PARP1: variants seen among roughly 807,000 people sequenced by gnomAD.
PARP1 encodes the protein poly(ADP-ribose) polymerase 1, also known as poly [ADP-ribose] polymerase 1.
In PARP1, 44 loss-of-function variants were observed where a neutral mutation model predicts 118.7. The observed-to-expected ratio is 0.37, with a 90% CI of 0.29 to 0.48. PARP1 has a LOEUF of 0.48. PARP1 is among the 20% of genes least tolerant of loss of function. PARP1 has a pLI of 0.99. For missense variants in PARP1, 1,100 were observed against 1,272.4 expected, an observed-to-expected ratio of 0.86 and a Z score of 2.06; for synonymous variants, 492 against 483.2, an observed-to-expected ratio of 1.02 and a Z score of -0.24.
intron 6 of PARP1, 55 bp from the exon 7 acceptor site, chr1:226,385,735 CACTTACT>C (rs1466251571): frequency 1.1e-5 from 16 of 1,490,946 alleles, no homozygotes; most frequent in Non-Finnish European, 1.3e-5. Context: ...CAAAAAAGGA[CACTTACT>C]AATGTGGGAT....
intron 8 of PARP1, among the ~76,000 whole-genome samples, chr1:226,382,568 C>T (rs920622232): frequency 6.6e-6 from 1 of 152,182 alleles, no homozygotes; most frequent in Non-Finnish European, 1.5e-5. Flanking sequence ...ACTCCATCGC[C>T]CAAGCTGGTG....
chr1:226,401,522 G>A (rs1665036878), intron 2 of PARP1, among the ~76,000 whole-genome samples: 2 of 152,232 alleles, frequency 1.3e-5, no homozygotes, highest in Non-Finnish European at 2.9e-5. Flanking sequence ...TAACTTCCGG[G>A]TATTGCCATG....
In PARP1 at chr1:226,374,294, G is replaced by C. The variant is rs765830412; in HGVS notation, c.2002C>G (p.Pro668Ala). The change falls in exon 14 of 23, where the codon CCA (proline) becomes GCA (alanine). Residue 668 changes from proline to alanine, a missense_variant. Pro to Ala is a conservative substitution (Grantham distance 27). This residue lies in a region of PARP1 where 948 missense variants were observed against 1,031.8 expected (regional missense o/e 0.92). Coordinates refer to ENST00000366794, the MANE Select transcript of PARP1 (RefSeq NM_001618.4). ...NPGTKSKLPK[P>A]VQDLIKMIFD... is the part of the protein sequence containing the mutation. Reference sequence around the variant, plus strand: ...ATCATCTTGATGAGGTCCTGAACTGGCTTGGGGAGCTTGGACTTGGTGCCA... The same window carrying C: ...ATCATCTTGATGAGGTCCTGAACTGCCTTGGGGAGCTTGGACTTGGTGCCA... 1 of 1,614,088 alleles carries C rather than the reference G, an allele frequency of 6.2e-7. No homozygotes were observed. The highest frequency in any genetic ancestry group is 1.1e-5 in the South Asian group (1 of 91,084).
chr1:226,373,805 A>G (rs999214198), intron 14 of PARP1, among the ~76,000 whole-genome samples: 2 of 152,188 alleles, frequency 1.3e-5, no homozygotes, highest in African/African-American at 4.8e-5. Context: ...ACCTTGCCAC[A>G]GCATGAAGAA....
chr1:226,374,316 G>A lies in PARP1; in HGVS notation c.1980C>T (p.Gly660=). ...EAVKKLTVNP[G]TKSKLPKPVQ... Reference sequence around the variant, plus strand: ...CTGGCTTGGGGAGCTTGGACTTGGTGCCAGGATTTACTGTCAGCTTCTTCA... The same window carrying A: ...CTGGCTTGGGGAGCTTGGACTTGGTACCAGGATTTACTGTCAGCTTCTTCA... Residue 660 remains glycine, a synonymous_variant, in exon 14 of 23, where the codon GGC becomes GGT. Transcript: ENST00000366794. The A allele has an allele frequency of 6.2e-7, 1 of 1,614,134 alleles. No homozygotes were observed. Among genetic ancestry groups the A allele is most frequent in the South Asian group, 1.1e-5 (1 of 91,084 alleles).
intron 2 of PARP1, among the ~76,000 whole-genome samples, chr1:226,399,197 C>T (rs866363915): frequency 5.3e-5 from 8 of 151,710 alleles, no homozygotes; most frequent in African/African-American, 1.7e-4. Context: ...CTCGGCCTCC[C>T]GAGTAGCTGG....
At position 226,402,237 on chromosome 1, in the gene PARP1, GTCT is replaced by G; in HGVS notation, c.260_262del (p.Lys87del). ...ACCTGTCACTCCTCCAGCTTCCGCTGTCTTCTTGACTTTCTGCTGGTCATCCCA... is the reference window on the plus strand; with the variant it reads ...ACCTGTCACTCCTCCAGCTTCCGCTGTCTTGACTTTCTGCTGGTCATCCCA... On this transcript the variant is annotated inframe_deletion, in exon 2 of 23. Transcript: ENST00000366794. The G allele has an allele frequency of 2.5e-6, 4 of 1,614,210 alleles. No homozygotes were observed. Among genetic ancestry groups the G allele is most frequent in the South Asian group, 1.1e-5 (1 of 91,082 alleles).
intron 16 of PARP1, 43 bp downstream of exon 16, chr1:226,368,156 C>T (rs1207069338): frequency 1.9e-6 from 3 of 1,613,252 alleles, no homozygotes; most frequent in South Asian, 1.1e-5. Flanking sequence ...TAGTCACACC[C>T]CAGCCCAGCA....
intron 7 of PARP1, among the ~76,000 whole-genome samples, chr1:226,383,632 C>T (rs1371375154): frequency 1.3e-5 from 2 of 152,118 alleles, no homozygotes; most frequent in Admixed American, 1.3e-4. Flanking sequence ...AGATTATTAC[C>T]CAAAAGGAAA....
At position 226,366,203 on chromosome 1, in the gene PARP1, T is replaced by A. The variant is rs539812549; in HGVS notation, c.2407-151A>T. On this transcript the variant is annotated intron_variant, in intron 17 of 22. Transcript: ENST00000366794. Reference sequence around the variant, plus strand: ...GAGCCTGTGTCCCAGGCCTGTGGGCTGGGCAGATCCTGGGCCAGTGGCTCC... The same window carrying A: ...GAGCCTGTGTCCCAGGCCTGTGGGCAGGGCAGATCCTGGGCCAGTGGCTCC... The A allele has an allele frequency of 1.2e-4, 78 of 675,128 alleles. No individual in the cohort carries two copies. In the African/African-American group the frequency reaches 1.3e-3, roughly 12 times the overall value. 41.8% of individuals were successfully genotyped at this position (675,128 alleles called of 1,614,324 possible). A position where few individuals can be genotyped will look rare whatever the true frequency, so the allele number is the denominator to read the frequency against.
At chr1:226,366,175 CGA>C (rs1218981156) in intron 17 of PARP1, 123 bp from the exon 18 acceptor site, 1 of 726,774 alleles carries the variant, frequency 1.4e-6, no homozygotes, top group Admixed American at 2.0e-5. Flanking sequence ...CGGGCATGAC[CGA>C]GAGCCTGTGT....
intron 2 of PARP1, among the ~76,000 whole-genome samples, chr1:226,399,726 G>C (rs1400982525): frequency 1.3e-5 from 2 of 152,180 alleles, no homozygotes; most frequent in Non-Finnish European, 2.9e-5. Flanking sequence ...GGACCACTCC[G>C]ATAACGATGT....
Position 226,380,183 on chromosome 1 carries a change from A to G in PARP1, c.1301-19T>C. The G allele has an allele frequency of 6.2e-7, 1 of 1,613,154 alleles. No individual in the cohort carries two copies. Among genetic ancestry groups the G allele is most frequent in the Non-Finnish European group, 8.5e-7 (1 of 1,179,332 alleles). ...ACCTCCTCTGTTCAAATTGAAAGGA[A>G]AAAAAACCAAAATACAAGTTTAAAA... is the stretch of plus-strand genomic sequence containing the variant. On this transcript the variant is annotated intron_variant, in intron 9 of 22. Coordinates refer to ENST00000366794, the MANE Select transcript of PARP1 (RefSeq NM_001618.4).
chr1:226,397,052 G>A (rs1664937098), intron 2 of PARP1, among the ~76,000 whole-genome samples: 1 of 151,790 alleles, frequency 6.6e-6, no homozygotes, highest in South Asian at 2.1e-4. Context: ...TGTGCTTTGG[G>A]AGGCAGAGGT....
intron 19 of PARP1, chr1:226,364,456 G>A (rs1038042722): frequency 7.4e-5 from 25 of 338,604 alleles, no homozygotes; most frequent in African/African-American, 5.1e-4. Context: ...TGAAACACGA[G>A]GTTCACAAAG....
chr1:226,404,383 G>A (rs1446498448), intron 1 of PARP1, among the ~76,000 whole-genome samples: 24 of 152,192 alleles, frequency 1.6e-4, no homozygotes, highest in Admixed American at 1.6e-3. Flanking sequence ...ATTTGCAATG[G>A]CCTCGACCTG....
At chr1:226,365,326 G>C (rs1272440853) in intron 18 of PARP1, among the ~76,000 whole-genome samples, 172 bp from the exon 19 acceptor site, 1 of 152,240 alleles carries the variant, frequency 6.6e-6, no homozygotes, top group Non-Finnish European at 1.5e-5. Context: ...GGAAGGTCCA[G>C]GTCCTGCCCA....
Position 226,366,413 on chromosome 1 carries a change from TA to T in PARP1, c.2407-362del, listed in dbSNP as rs1273071980. 2.2e-5 allele frequency: 7 copies of T among 325,156 alleles called. No homozygotes were observed. In the Admixed American group the frequency reaches 3.0e-4, roughly 14 times the overall value. The allele number at this position is 325,156 out of a possible 1,614,324, so 20.1% of individuals were successfully genotyped here. A position where few individuals can be genotyped will look rare whatever the true frequency, so the allele number is the denominator to read the frequency against. Reference sequence around the variant, plus strand: ...GAAGAGAGTCCAGCTCAGCATGAGTTAAAACACAATGGGCCAGAGGAAGTCA... The same window carrying T: ...GAAGAGAGTCCAGCTCAGCATGAGTTAAACACAATGGGCCAGAGGAAGTCA... On this transcript the variant is annotated intron_variant, in intron 17 of 22. Transcript: ENST00000366794.
Position 226,385,591 on chromosome 1 carries a change from G to C in PARP1, c.924C>G (p.Ala308=). 6.2e-7 allele frequency: 1 copy of C among 1,614,126 alleles called. No homozygotes were observed. Among genetic ancestry groups the C allele is most frequent in the Non-Finnish European group, 8.5e-7 (1 of 1,179,984 alleles). The change falls in exon 7 of 23, where the codon GCC becomes GCG. Residue 308 remains alanine (A), a synonymous_variant. Transcript: ENST00000366794. ...CSGQLVFKSD[A]YYCTGDVTAW... ...CAGTGACGTCCCCAGTGCAGTAATA[G>C]GCATCGCTCTTGAAGACCAGCTGAC...
Sources: allele counts gnomAD v4.1 joint callset (sites outside exome capture counted in the v4.1 genomes callset), GRCh38; gene constraint gnomAD v4.1.1; regional missense constraint gnomAD v4.1.1; transcripts MANE v1.5; gene names NCBI Gene and HGNC (gene_info 2026-07-23, HGNC 2026-07-21).